The following EFNA5 variants were observed in gnomAD, a reference collection of about 807,000 sequenced individuals.
The protein encoded by EFNA5 is ephrin-A5.
A neutral mutation model predicts 22.9 loss-of-function variants in EFNA5; 5 were observed. That is an observed-to-expected ratio of 0.22 (90% CI 0.11 to 0.46). The LOEUF is 0.46. EFNA5 is among the 20% of genes least tolerant of loss of function. The probability of loss-of-function intolerance (pLI) is 0.99; values close to 1 mark genes in which losing one functional copy is unlikely to be tolerated. For missense variants in EFNA5, 237 were observed against 293.3 expected (o/e 0.81, Z 1.40); for synonymous variants, 113 against 112.2 (o/e 1.01, Z -0.04).
intron 1 of EFNA5, among the ~76,000 whole-genome samples, chr5:107,646,613 C>A (rs753356762): frequency 6.6e-6 from 1 of 152,070 alleles, no homozygotes; most frequent in Non-Finnish European, 1.5e-5. Flanking sequence ...TCCTGGATCT[C>A]CCTGTAAACA....
At chr5:107,643,779 T>C (rs1001525709) in intron 1 of EFNA5, among the ~76,000 whole-genome samples, 2 of 152,000 alleles carry the variant, frequency 1.3e-5, no homozygotes, top group African/African-American at 4.8e-5. Context: ...AAAAGAGTCA[T>C]GTTTTATCAG....
intron 1 of EFNA5, among the ~76,000 whole-genome samples, chr5:107,430,404 T>C (rs1299961436): frequency 2.6e-5 from 4 of 152,152 alleles, no homozygotes; most frequent in Admixed American, 2.6e-4. Flanking sequence ...AAGTTTTTTC[T>C]TTCCCTAAGT....
At chr5:107,386,045 T>C (rs1427421229) in intron 4 of EFNA5, among the ~76,000 whole-genome samples, 1 of 148,262 alleles carries the variant, frequency 6.7e-6, no homozygotes, top group Non-Finnish European at 1.5e-5. Context: ...CAGGGTAAGT[T>C]TCCCTAAGGT....
chr5:107,668,111 T>C (rs1297227720), intron 1 of EFNA5, among the ~76,000 whole-genome samples: 1 of 152,210 alleles, frequency 6.6e-6, no homozygotes, highest in Non-Finnish European at 1.5e-5. Flanking sequence ...CATAAATTCC[T>C]AAGAATAATA....
At chr5:107,519,366 C>A (rs1327324242) in intron 1 of EFNA5, among the ~76,000 whole-genome samples, 1 of 152,196 alleles carries the variant, frequency 6.6e-6, no homozygotes, top group Non-Finnish European at 1.5e-5. Flanking sequence ...CTCCTTTGCT[C>A]AAAAACACAG....
chr5:107,637,351 C>CT (rs1174807614), intron 1 of EFNA5, among the ~76,000 whole-genome samples: 2 of 152,204 alleles, frequency 1.3e-5, no homozygotes, highest in Admixed American at 6.5e-5. Flanking sequence ...AGTCCTTTGA[C>CT]TCCAGCCTGC....
chr5:107,631,744 T>C (rs1421252025), intron 1 of EFNA5, among the ~76,000 whole-genome samples: 3 of 152,212 alleles, frequency 2.0e-5, no homozygotes, highest in African/African-American at 7.2e-5. Flanking sequence ...AATTTTCTCC[T>C]AGAAAGAAAA....
chr5:107,632,103 T>C (rs1750267158), intron 1 of EFNA5, among the ~76,000 whole-genome samples: 1 of 152,214 alleles, frequency 6.6e-6, no homozygotes, highest in Non-Finnish European at 1.5e-5. Flanking sequence ...CAACTGGTTC[T>C]CTAATTCCTT....
chr5:107,550,372 T>C (rs1385825432), intron 1 of EFNA5, among the ~76,000 whole-genome samples: 1 of 152,226 alleles, frequency 6.6e-6, no homozygotes, highest in Non-Finnish European at 1.5e-5. Context: ...CTCATCTTTA[T>C]ATGTATGCGA....
At chr5:107,428,796 A>G (rs1748872420) in intron 1 of EFNA5, among the ~76,000 whole-genome samples, 1 of 152,216 alleles carries the variant, frequency 6.6e-6, no homozygotes, top group Admixed American at 6.5e-5. Flanking sequence ...AGATGTTGGA[A>G]AGTTTCTTCT....
chr5:107,479,609 A>C (rs1215554922), intron 1 of EFNA5, among the ~76,000 whole-genome samples: 1 of 152,218 alleles, frequency 6.6e-6, no homozygotes, highest in Non-Finnish European at 1.5e-5. Context: ...AAGGCACCAG[A>C]AAGTCCATGA....
intron 1 of EFNA5, among the ~76,000 whole-genome samples, chr5:107,649,639 T>A (rs1750690005): frequency 6.6e-6 from 1 of 152,158 alleles, no homozygotes; most frequent in Admixed American, 6.6e-5. Flanking sequence ...CAGCATTTGA[T>A]CCCAGGTCAC....
chr5:107,645,353 T>G (rs1333904050), intron 1 of EFNA5, among the ~76,000 whole-genome samples: 1 of 152,232 alleles, frequency 6.6e-6, no homozygotes, highest in African/African-American at 2.4e-5. Flanking sequence ...TCCAAAGTAT[T>G]TTTCCCAACT....
intron 1 of EFNA5, among the ~76,000 whole-genome samples, chr5:107,587,809 G>A (rs1326066866): frequency 6.6e-6 from 1 of 152,156 alleles, no homozygotes; most frequent in South Asian, 2.1e-4. Flanking sequence ...AAGCCACTGC[G>A]CCTGGCCTGC....
At chr5:107,639,819 A>G (rs1750464060) in intron 1 of EFNA5, among the ~76,000 whole-genome samples, 1 of 152,208 alleles carries the variant, frequency 6.6e-6, no homozygotes, top group Non-Finnish European at 1.5e-5. Flanking sequence ...AGTGCCAGTA[A>G]GAGTGTAATG....
At chr5:107,555,867 G>C (rs868227924) in intron 1 of EFNA5, among the ~76,000 whole-genome samples, 1 of 152,190 alleles carries the variant, frequency 6.6e-6, no homozygotes, top group African/African-American at 2.4e-5. Context: ...AGCAGGATGA[G>C]CTTCCCTTAG....
intron 1 of EFNA5, among the ~76,000 whole-genome samples, chr5:107,559,401 G>GTA (rs1561432929): frequency 1.3e-5 from 2 of 152,186 alleles, no homozygotes; most frequent in African/African-American, 4.8e-5. Flanking sequence ...TTAGGATATA[G>GTA]TATAGCAACA....
intron 1 of EFNA5, 102 bp from the exon 2 acceptor site, chr5:107,427,611 A>C (rs1212187053): frequency 1.9e-6 from 2 of 1,058,234 alleles, no homozygotes; most frequent in Non-Finnish European, 2.7e-6. Flanking sequence ...TAAAGCATCT[A>C]GTATAGTAAG....
At chr5:107,508,817 A>G (rs1747302787) in intron 1 of EFNA5, among the ~76,000 whole-genome samples, 1 of 152,246 alleles carries the variant, frequency 6.6e-6, no homozygotes, top group Non-Finnish European at 1.5e-5. Flanking sequence ...AGGTGTTTCA[A>G]TAATTAATAA....
Sources: allele counts gnomAD v4.1 joint callset (sites outside exome capture counted in the v4.1 genomes callset), GRCh38; gene constraint gnomAD v4.1.1; transcripts MANE v1.5; gene names NCBI Gene and HGNC (gene_info 2026-07-23, HGNC 2026-07-21).